Variants in ALK observed in about 807,000 individuals in gnomAD.
The protein encoded by ALK is ALK tyrosine kinase receptor.
Under a neutral mutation model 163.1 loss-of-function variants are expected in ALK, and 74 were observed. The observed-to-expected ratio is 0.45, with a 90% confidence interval of 0.38 to 0.55. The LOEUF (loss-of-function observed/expected upper bound fraction) is 0.55. Among genes scored for constraint, ALK ranks in the 20% least tolerant of loss-of-function variants. ALK has a pLI of 0.00. For synonymous variants in ALK, 960 were observed against 843.2 expected (o/e 1.14, Z -2.40); for missense variants, 2,063 against 2,105.3 (o/e 0.98, Z 0.39).
intron 1 of ALK, among the ~76,000 whole-genome samples, chr2:29,751,773 G>A (rs1429225913): frequency 1.3e-5 from 2 of 152,078 alleles, no homozygotes; most frequent in Admixed American, 6.5e-5. Context: ...TGTCCACCAC[G>A]TCTTCATGTT....
Position 29,478,817 on chromosome 2 carries a change from TGTGTCC to T in ALK, c.1154+53092_1154+53097del, listed in dbSNP as rs1671590850. On this transcript the variant is annotated intron_variant, in intron 4 of 28. Transcript: ENST00000389048. ...ATTTGGAAAGGTCAGGGAGAACAAG[TGTGTCC>T]CAGCTTGTGGGAATGGTAGGGGCAG... Among the ~76,000 whole-genome samples, 3 of 152,196 alleles carry T rather than the reference TGTGTCC, an allele frequency of 2.0e-5. No individual in the cohort carries two copies. In the East Asian group the frequency reaches 5.8e-4, roughly 29 times the overall value.
chr2:29,914,426 T>C (rs1667779291), intron 1 of ALK, among the ~76,000 whole-genome samples: 2 of 152,166 alleles, frequency 1.3e-5, no homozygotes, highest in Admixed American at 1.3e-4. Flanking sequence ...CAGACTAAAA[T>C]GTATATGGAA....
At position 29,683,687 on chromosome 2, in the gene ALK, A is replaced by T. The variant is rs139837102; in HGVS notation, c.952+11163T>A. ...CAGCAAATCCTTTGTCATGTCCAAA[A>T]TTTTTGAGTTTAACCCACCCCCCAT... On this transcript the variant is annotated intron_variant, in intron 3 of 28. Transcript: ENST00000389048. Among the ~76,000 whole-genome samples the T allele has an allele frequency of 4.6e-3, 700 of 152,238 alleles. 10 individuals carry two copies. Among genetic ancestry groups the T allele is most frequent in the African/African-American group, 0.015 (639 of 41,556 alleles).
chr2:29,220,643 C>G (rs2148166099), intron 23 of ALK, 63 bp downstream of exon 23: 1 of 1,609,920 alleles, frequency 6.2e-7, no homozygotes, highest in African/African-American at 1.3e-5. Context: ...CCCACTCTTG[C>G]TCCTTCCATC....
At chr2:29,896,324 A>G (rs1428728203) in intron 1 of ALK, among the ~76,000 whole-genome samples, 1 of 152,116 alleles carries the variant, frequency 6.6e-6, no homozygotes, top group Non-Finnish European at 1.5e-5. Context: ...CAGAGCTGGG[A>G]GGGCAGATTT....
At chr2:29,595,620 G>A (rs1040689059) in intron 3 of ALK, among the ~76,000 whole-genome samples, 23 of 152,202 alleles carry the variant, frequency 1.5e-4, no homozygotes, top group African/African-American at 5.1e-4. Context: ...GCGCCCAGCC[G>A]TCTTATTGGA....
intron 11 of ALK, among the ~76,000 whole-genome samples, chr2:29,258,846 G>A (rs1212102153): frequency 6.6e-6 from 1 of 152,124 alleles, no homozygotes; most frequent in African/African-American, 2.4e-5. Flanking sequence ...GTAGGAAAAG[G>A]TATTTTAAGT....
rs150921454 is a variant in ALK, at chr2:29,813,008, G to A, written c.668-95311C>T. On this transcript the variant is annotated intron_variant, in intron 1 of 28. Coordinates refer to ENST00000389048, the MANE Select transcript of ALK (RefSeq NM_004304.5). ...TCTGAAGATGTGTACAGTCCTTCCA[G>A]GAAACCAGGACCTGGGTATGACAGA... Among the ~76,000 whole-genome samples the A allele has an allele frequency of 1.8e-4, 28 of 152,308 alleles. 2 individuals are homozygous for A. The highest frequency in any genetic ancestry group is 5.5e-4 in the African/African-American group (23 of 41,558).
chr2:29,548,341 C>T (rs1401884754), intron 3 of ALK, among the ~76,000 whole-genome samples: 1 of 152,078 alleles, frequency 6.6e-6, no homozygotes, highest in Non-Finnish European at 1.5e-5. Flanking sequence ...GGCGTGGTGG[C>T]GTGCACCTGT....
intron 26 of ALK, among the ~76,000 whole-genome samples, chr2:29,198,098 T>C (rs369573260): frequency 6.6e-6 from 1 of 152,344 alleles, no homozygotes; most frequent in East Asian, 1.9e-4. Context: ...TTTTCAGTTT[T>C]CAAAATATTT....
intron 3 of ALK, among the ~76,000 whole-genome samples, chr2:29,576,044 G>A (rs1674517090): frequency 6.6e-6 from 1 of 152,196 alleles, no homozygotes; most frequent in Non-Finnish European, 1.5e-5. Context: ...GAACCTGCAA[G>A]AGCCTGCAGT....
At position 29,459,844 on chromosome 2, in the gene ALK, G is replaced by A. The variant is rs115370118; in HGVS notation, c.1154+72071C>T. 3.1e-3 allele frequency among the ~76,000 whole-genome samples: 475 copies of A among 152,204 alleles called. 2 individuals carry two copies. Among genetic ancestry groups the A allele is most frequent in the African/African-American group, 0.011 (452 of 41,538 alleles). ...GAACTTATTTTTAAGTAAGAAAAGC[G>A]AATCTCTGTTTAGATCACCATAAAC... On this transcript the variant is annotated intron_variant, in intron 4 of 28. Coordinates refer to ENST00000389048, the MANE Select transcript of ALK (RefSeq NM_004304.5).
At chr2:29,681,772 C>T (rs970586069) in intron 3 of ALK, among the ~76,000 whole-genome samples, 12 of 151,288 alleles carry the variant, frequency 7.9e-5, no homozygotes, top group Non-Finnish European at 1.6e-4. Context: ...CCTTCCCCCC[C>T]TCAACCTCAT....
chr2:29,376,443 G>A lies in ALK; in HGVS notation c.1282+7289C>T, dbSNP rs181923385. Reference sequence around the variant, plus strand: ...CCTTTAAGAAAGAGTTCTATGTGAAGTAGAATGGAAATGTTAAAGGAACCA... The same window carrying A: ...CCTTTAAGAAAGAGTTCTATGTGAAATAGAATGGAAATGTTAAAGGAACCA... On this transcript the variant is annotated intron_variant, in intron 5 of 28. Coordinates refer to ENST00000389048, the MANE Select transcript of ALK (RefSeq NM_004304.5). 2.0e-5 allele frequency among the ~76,000 whole-genome samples: 3 copies of A among 152,330 alleles called. No homozygotes were observed. In the East Asian group the frequency reaches 5.8e-4, roughly 29 times the overall value.
chr2:29,533,284 A>T (rs1273257812), intron 3 of ALK, among the ~76,000 whole-genome samples: 1 of 152,218 alleles, frequency 6.6e-6, no homozygotes, highest in East Asian at 1.9e-4. Context: ...AGTATTTTGC[A>T]GCAGAGGAAA....
intron 12 of ALK, among the ~76,000 whole-genome samples, chr2:29,241,570 G>A (rs1664523308): frequency 6.6e-6 from 1 of 151,660 alleles, no homozygotes; most frequent in Non-Finnish European, 1.5e-5. Flanking sequence ...CTTGCAGATG[G>A]GTAGGGCTCT....
intron 1 of ALK, among the ~76,000 whole-genome samples, chr2:29,910,307 AAAAC>A: frequency 6.6e-6 from 1 of 152,290 alleles, no homozygotes; most frequent in Middle Eastern, 3.4e-3. Context: ...ATATGCAATA[AAAAC>A]TATGCAGACT....
At chr2:29,724,595 T>C (rs982602158) in intron 1 of ALK, among the ~76,000 whole-genome samples, 1 of 152,192 alleles carries the variant, frequency 6.6e-6, no homozygotes, top group Non-Finnish European at 1.5e-5. Flanking sequence ...GAGATGTGAT[T>C]TCAGAGAAAG....
intron 1 of ALK, among the ~76,000 whole-genome samples, chr2:29,830,468 G>A (rs1335075530): frequency 2.6e-5 from 4 of 152,012 alleles, no homozygotes; most frequent in African/African-American, 7.2e-5. Context: ...CAGGTAAGAG[G>A]AGCCCTATTG....
Sources: gnomAD v4.1 joint callset for allele counts (sites outside exome capture counted in the v4.1 genomes callset) on GRCh38, gnomAD v4.1.1 for gene constraint, MANE v1.5 for transcripts, NCBI Gene and HGNC (gene_info 2026-07-23, HGNC 2026-07-21) for gene names.